The following ABCB7 variants were observed in gnomAD, a reference collection of about 807,000 sequenced individuals.
The protein encoded by ABCB7 is iron-sulfur clusters transporter ABCB7, mitochondrial.
ABCB7 carries 7 observed loss-of-function variants against 54.4 expected under a neutral mutation model. That is an observed-to-expected ratio of 0.13 (90% CI 0.07 to 0.24). The LOEUF (loss-of-function observed/expected upper bound fraction) is 0.24. Among genes scored for constraint, ABCB7 ranks in the 10% least tolerant of loss-of-function variants. ABCB7 has a pLI of 1.00. For synonymous variants in ABCB7, 218 were observed against 207.1 expected (o/e 1.05, Z -0.45); for missense variants, 356 against 570.4 (o/e 0.62, Z 3.83).
intron 1 of ABCB7, among the ~76,000 whole-genome samples, chrX:75,141,503 A>G (rs2082053708): frequency 9.0e-6 from 1 of 111,209 alleles, no homozygotes; most frequent in Admixed American, 9.6e-5. Context: ...TTTCCCCATC[A>G]TTAAATATTG....
chrX:75,078,755 A>G (rs929329874), intron 4 of ABCB7, among the ~76,000 whole-genome samples: 2 of 112,232 alleles, frequency 1.8e-5, no homozygotes, highest in East Asian at 2.8e-4. Flanking sequence ...AATTTTTTCT[A>G]GTATACCATA....
chrX:75,080,532 T>C (rs1368482582), intron 4 of ABCB7, among the ~76,000 whole-genome samples: 4 of 111,423 alleles, frequency 3.6e-5, no homozygotes, highest in Non-Finnish European at 5.7e-5. Flanking sequence ...CTCAAACTCC[T>C]GGGCTCAAGT....
intron 3 of ABCB7, among the ~76,000 whole-genome samples, chrX:75,103,280 G>A (rs1419548557): frequency 1.8e-5 from 2 of 111,085 alleles, no homozygotes; most frequent in African/African-American, 3.3e-5. Context: ...AATCCATCTT[G>A]AGTTGATTTT....
At chrX:75,135,211 G>A (rs1234410102) in intron 1 of ABCB7, among the ~76,000 whole-genome samples, 6 of 106,345 alleles carry the variant, frequency 5.6e-5, no homozygotes, top group African/African-American at 1.7e-4. Context: ...CTATGCACAC[G>A]AACTAGAAAA....
intron 2 of ABCB7, among the ~76,000 whole-genome samples, 160 bp downstream of exon 2, chrX:75,114,594 T>C (rs2081791506): frequency 2.7e-5 from 3 of 112,497 alleles, no homozygotes; most frequent in African/African-American, 9.7e-5. Context: ...AAGACTTCTC[T>C]CTGCATTTCC....
intron 1 of ABCB7, among the ~76,000 whole-genome samples, chrX:75,146,137 C>A (rs981925044): frequency 9.0e-6 from 1 of 110,591 alleles, no homozygotes; most frequent in Admixed American, 9.6e-5. Flanking sequence ...AGGAGAACTA[C>A]AAACCGCTAA....
intron 4 of ABCB7, among the ~76,000 whole-genome samples, chrX:75,085,687 T>C (rs1285766585): frequency 9.0e-6 from 1 of 111,173 alleles, no homozygotes; most frequent in Non-Finnish European, 1.9e-5. Flanking sequence ...AATCACAGTG[T>C]ATTTCAATAA....
At chrX:75,125,815 T>C (rs28580149) in intron 1 of ABCB7, among the ~76,000 whole-genome samples, 3 of 110,190 alleles carry the variant, frequency 2.7e-5, no homozygotes, top group Non-Finnish European at 3.8e-5. Flanking sequence ...AGGGACTTTT[T>C]CAAAAAATAT....
At chrX:75,137,679 C>T (rs1365917406) in intron 1 of ABCB7, among the ~76,000 whole-genome samples, 1 of 112,426 alleles carries the variant, frequency 8.9e-6, no homozygotes, top group Non-Finnish European at 1.9e-5. Context: ...TACATACACA[C>T]TATGGAATAC....
chrX:75,055,644 T>C (rs1012013654), intron 15 of ABCB7, among the ~76,000 whole-genome samples: 78 of 104,189 alleles, frequency 7.5e-4, no homozygotes, highest in African/African-American at 2.6e-3. Flanking sequence ...ATACAGTCCA[T>C]ATTCAAACTT....
intron 4 of ABCB7, among the ~76,000 whole-genome samples, chrX:75,095,569 T>A (rs2081583690): frequency 8.9e-6 from 1 of 112,914 alleles, no homozygotes; most frequent in Non-Finnish European, 1.9e-5. Flanking sequence ...TACTATGTTC[T>A]ACATGCTTAA....
chrX:75,061,833 G>C (rs2081284323), intron 14 of ABCB7, among the ~76,000 whole-genome samples: 1 of 112,392 alleles, frequency 8.9e-6, no homozygotes, highest in Non-Finnish European at 1.9e-5. Flanking sequence ...CACTTCCAGT[G>C]AAATGAATAC....
At chrX:75,128,042 C>A (rs1455311756) in intron 1 of ABCB7, among the ~76,000 whole-genome samples, 1 of 111,596 alleles carries the variant, frequency 9.0e-6, no homozygotes, top group Non-Finnish European at 1.9e-5. Context: ...TTGATAGATT[C>A]AATGCTATTC....
chrX:75,092,792 A>C (rs751478521), intron 4 of ABCB7, among the ~76,000 whole-genome samples: 1 of 112,073 alleles, frequency 8.9e-6, no homozygotes, highest in East Asian at 2.8e-4. Flanking sequence ...TACAAATGAC[A>C]AAAAAAGCAT....
intron 13 of ABCB7, 50 bp from the exon 14 acceptor site, chrX:75,062,481 A>G (rs1369771681): frequency 2.1e-6 from 2 of 955,336 alleles, no homozygotes; most frequent in East Asian, 6.2e-5. Flanking sequence ...TGCATATTTT[A>G]TGTTTTTAGT....
At chrX:75,131,925 G>A (rs1478990305) in intron 1 of ABCB7, among the ~76,000 whole-genome samples, 1 of 111,543 alleles carries the variant, frequency 9.0e-6, no homozygotes, top group East Asian at 2.8e-4. Flanking sequence ...CTGCTTTTGA[G>A]CTGGAGAAGG....
At chrX:75,104,237 G>A (rs1324098111) in intron 3 of ABCB7, among the ~76,000 whole-genome samples, 2 of 105,486 alleles carry the variant, frequency 1.9e-5, no homozygotes, top group African/African-American at 3.4e-5. Context: ...CTCTTCCTGT[G>A]TCTATTGACA....
intron 1 of ABCB7, among the ~76,000 whole-genome samples, chrX:75,145,775 T>C (rs1328488779): frequency 1.8e-5 from 2 of 110,417 alleles, no homozygotes; most frequent in African/African-American, 6.6e-5. Flanking sequence ...GGCATCCAAA[T>C]AGGAAGAGAA....
At chrX:75,151,211 T>A (rs1356674118) in intron 1 of ABCB7, among the ~76,000 whole-genome samples, 1 of 111,914 alleles carries the variant, frequency 8.9e-6, no homozygotes, top group Non-Finnish European at 1.9e-5. Flanking sequence ...AATGTGTCAA[T>A]GACTTAGAGA....
Sources: gnomAD v4.1 joint callset for allele counts (sites outside exome capture counted in the v4.1 genomes callset) on GRCh38, gnomAD v4.1.1 for gene constraint, MANE v1.5 for transcripts, NCBI Gene and HGNC (gene_info 2026-07-23, HGNC 2026-07-21) for gene names.